The following NXPH1 variants were observed in gnomAD, a reference collection of about 807,000 sequenced individuals.
The protein encoded by NXPH1 is neurexophilin 1, also known as neurexophilin-1.
A neutral mutation model predicts 23.7 loss-of-function variants in NXPH1; 5 were observed. That is an observed-to-expected ratio of 0.21 (90% CI 0.11 to 0.44). The LOEUF is 0.44. Among genes scored for constraint, NXPH1 ranks in the 20% least tolerant of loss-of-function variants. The pLI, the probability that NXPH1 is intolerant of heterozygous loss-of-function variation, is 0.99. For missense variants in NXPH1, 324 were observed against 321.6 expected (o/e 1.01, Z -0.06); for synonymous variants, 144 against 122.2 (o/e 1.18, Z -1.18).
At chr7:8,444,462 C>T (rs1816362586) in intron 2 of NXPH1, among the ~76,000 whole-genome samples, 1 of 152,192 alleles carries the variant, frequency 6.6e-6, no homozygotes, top group Non-Finnish European at 1.5e-5. Context: ...CACTGAACTG[C>T]CCAGGGTCTT....
intron 2 of NXPH1, among the ~76,000 whole-genome samples, chr7:8,488,563 G>T (rs890083747): frequency 2.0e-5 from 3 of 152,096 alleles, no homozygotes; most frequent in African/African-American, 7.2e-5. Flanking sequence ...CTACCAGAAG[G>T]TACATAATGG....
intron 2 of NXPH1, among the ~76,000 whole-genome samples, chr7:8,689,238 T>C (rs1821191529): frequency 6.6e-6 from 1 of 151,972 alleles, no homozygotes; most frequent in African/African-American, 2.4e-5. Context: ...AAAAATAAAG[T>C]AGCTTCACTG....
chr7:8,590,744 G>A (rs1198547087), intron 2 of NXPH1, among the ~76,000 whole-genome samples: 2 of 151,944 alleles, frequency 1.3e-5, no homozygotes, highest in Admixed American at 6.6e-5. Context: ...TACAGTAATT[G>A]ACTCCAATTT....
At chr7:8,498,483 C>G (rs1817376367) in intron 2 of NXPH1, among the ~76,000 whole-genome samples, 1 of 151,942 alleles carries the variant, frequency 6.6e-6, no homozygotes, top group African/African-American at 2.4e-5. Flanking sequence ...TTCCATAGAC[C>G]CAGCCTTGGA....
chr7:8,692,003 T>A (rs1482956618), intron 2 of NXPH1, among the ~76,000 whole-genome samples: 1 of 151,962 alleles, frequency 6.6e-6, no homozygotes, highest in Non-Finnish European at 1.5e-5. Flanking sequence ...GAGATACTTT[T>A]CTAGTCTGTA....
chr7:8,536,369 G>GT (rs1205846891), intron 2 of NXPH1, among the ~76,000 whole-genome samples: 2 of 152,012 alleles, frequency 1.3e-5, no homozygotes, highest in African/African-American at 2.4e-5. Flanking sequence ...GAACATTTCT[G>GT]TTTTTTTGTG....
intron 2 of NXPH1, among the ~76,000 whole-genome samples, chr7:8,462,351 A>G (rs929360511): frequency 6.6e-6 from 1 of 152,196 alleles, no homozygotes; most frequent in Non-Finnish European, 1.5e-5. Flanking sequence ...CCGACCTTGT[A>G]TTATAATTTA....
intron 2 of NXPH1, among the ~76,000 whole-genome samples, chr7:8,638,837 G>T (rs74642042): frequency 6.6e-6 from 1 of 151,948 alleles, no homozygotes; most frequent in Non-Finnish European, 1.5e-5. Context: ...TTTACTGCTC[G>T]TATTTTACAA....
intron 2 of NXPH1, among the ~76,000 whole-genome samples, chr7:8,536,446 A>G (rs142943028): frequency 1.3e-4 from 20 of 152,164 alleles, no homozygotes; most frequent in African/African-American, 4.8e-4. Context: ...CCATGTAACA[A>G]ACTCTGGTAA....
chr7:8,527,953 G>T (rs995562711), intron 2 of NXPH1, among the ~76,000 whole-genome samples: 7 of 152,180 alleles, frequency 4.6e-5, no homozygotes, highest in African/African-American at 1.7e-4. Flanking sequence ...TGATCATTTG[G>T]TAGAAAAGAG....
chr7:8,706,963 G>A (rs775849671), intron 2 of NXPH1, among the ~76,000 whole-genome samples: 5 of 152,112 alleles, frequency 3.3e-5, no homozygotes, highest in Admixed American at 6.5e-5. Flanking sequence ...TTTTTCACAC[G>A]ATGAATACAC....
chr7:8,510,523 T>C (rs1407676130), intron 2 of NXPH1, among the ~76,000 whole-genome samples: 1 of 151,896 alleles, frequency 6.6e-6, no homozygotes, highest in Non-Finnish European at 1.5e-5. Flanking sequence ...CACTAACATA[T>C]AGGGCCACAG....
At chr7:8,586,618 G>A (rs1818986331) in intron 2 of NXPH1, among the ~76,000 whole-genome samples, 1 of 149,368 alleles carries the variant, frequency 6.7e-6, no homozygotes, top group South Asian at 2.1e-4. Context: ...CATGTTAAGA[G>A]AATAATGAAT....
At chr7:8,524,781 C>G (rs749927385) in intron 2 of NXPH1, among the ~76,000 whole-genome samples, 1 of 152,158 alleles carries the variant, frequency 6.6e-6, no homozygotes, top group Non-Finnish European at 1.5e-5. Flanking sequence ...TCATTTTTCT[C>G]TTGCTGCCAC....
intron 2 of NXPH1, among the ~76,000 whole-genome samples, chr7:8,699,963 T>C (rs1484279482): frequency 6.6e-6 from 1 of 152,150 alleles, no homozygotes; most frequent in Non-Finnish European, 1.5e-5. Flanking sequence ...CAGAATCAAA[T>C]TACTTGGTTT....
In NXPH1 at chr7:8,512,210, C is replaced by T. The variant is rs753535581; in HGVS notation, c.54+76443C>T. On this transcript the variant is annotated intron_variant, in intron 2 of 2. Transcript: ENST00000405863. ...GCAATTTTGCCTGTATTGTAAGAAGCGCAAAGAATCATGTGATAATCTTAA... is the reference window on the plus strand; with the variant it reads ...GCAATTTTGCCTGTATTGTAAGAAGTGCAAAGAATCATGTGATAATCTTAA... Among the ~76,000 whole-genome samples the T allele has an allele frequency of 1.1e-4, 17 of 152,096 alleles. No individual in the cohort carries two copies. In the South Asian group the frequency reaches 1.4e-3, roughly 13 times the overall value.
intron 2 of NXPH1, among the ~76,000 whole-genome samples, chr7:8,600,923 CT>C (rs112106354): frequency 1.2e-3 from 173 of 144,830 alleles, no homozygotes; most frequent in Admixed American, 1.5e-3. Context: ...ATGTGTAGAC[CT>C]TTTTTTTTTT....
Position 8,615,473 on chromosome 7 carries a change from A to G in NXPH1, c.55-135535A>G, listed in dbSNP as rs568849760. ...TCAATAGATGTTAGGTGTTACTGCT[A>G]TCTCTTGGTGATCCACACTTCCCTC... On this transcript the variant is annotated intron_variant, in intron 2 of 2. Coordinates refer to ENST00000405863, the MANE Select transcript of NXPH1 (RefSeq NM_152745.3). Among the ~76,000 whole-genome samples, 14 of 152,112 alleles carry G rather than the reference A, an allele frequency of 9.2e-5. No individual in the cohort carries two copies. In the East Asian group the frequency reaches 1.9e-3, roughly 21 times the overall value.
At chr7:8,507,740 C>G (rs937094243) in intron 2 of NXPH1, among the ~76,000 whole-genome samples, 3 of 152,082 alleles carry the variant, frequency 2.0e-5, no homozygotes, top group African/African-American at 7.2e-5. Context: ...GTTTACCAAC[C>G]CACAAACATT....
Sources: allele counts gnomAD v4.1 joint callset (sites outside exome capture counted in the v4.1 genomes callset), GRCh38; gene constraint gnomAD v4.1.1; transcripts MANE v1.5; gene names NCBI Gene and HGNC (gene_info 2026-07-23, HGNC 2026-07-21).